Variants in NAA25 observed in about 807,000 individuals in gnomAD.
NAA25 encodes N-alpha-acetyltransferase 25, NatB auxiliary subunit.
NAA25 carries 30 observed loss-of-function variants against 132.5 expected under a neutral mutation model. The observed-to-expected ratio is 0.23, with a 90% CI of 0.17 to 0.31. The LOEUF (loss-of-function observed/expected upper bound fraction) is 0.31, where lower values mean the gene tolerates loss of function less well. Ranked by LOEUF, NAA25 falls within the 10% of genes least tolerant of loss-of-function variation. The pLI, the probability that NAA25 is intolerant of heterozygous loss-of-function variation, is 1.00. For synonymous variants in NAA25, 359 were observed against 401.9 expected, an observed-to-expected ratio of 0.89 and a Z score of 1.28; for missense variants, 771 against 1,150.4, an observed-to-expected ratio of 0.67 and a Z score of 4.77.
chr12:112,092,468 A>G (rs1052796198), intron 2 of NAA25, among the ~76,000 whole-genome samples: 8 of 151,996 alleles, frequency 5.3e-5, no homozygotes, highest in Non-Finnish European at 1.0e-4. Flanking sequence ...CTACTAAAAA[A>G]TATACAAAAT....
At chr12:112,035,692 T>A (rs1226605206) in intron 22 of NAA25, among the ~76,000 whole-genome samples, 2 of 150,898 alleles carry the variant, frequency 1.3e-5, no homozygotes, top group Non-Finnish European at 2.9e-5. Flanking sequence ...TTTTTTTTTT[T>A]TTTTTGAGAC....
intron 13 of NAA25, among the ~76,000 whole-genome samples, chr12:112,057,276 T>C (rs896517253): frequency 3.9e-5 from 6 of 152,236 alleles, no homozygotes; most frequent in Non-Finnish European, 8.8e-5. Flanking sequence ...ACATGCCTAA[T>C]AATCAACTGT....
At chr12:112,078,398 G>A (rs2078923080) in intron 6 of NAA25, 132 bp from the exon 7 acceptor site, 5 of 725,748 alleles carry the variant, frequency 6.9e-6, no homozygotes, top group Non-Finnish European at 1.2e-5. Context: ...GTACGAAGCA[G>A]GTAACAGGAT....
At chr12:112,070,349 A>C (rs923183030) in intron 10 of NAA25, among the ~76,000 whole-genome samples, 3 of 152,178 alleles carry the variant, frequency 2.0e-5, no homozygotes, top group Non-Finnish European at 4.4e-5. Context: ...ATGCTTTACT[A>C]TCCACATCAT....
chr12:112,107,619 C>G (rs1375662006), intron 1 of NAA25, among the ~76,000 whole-genome samples: 1 of 151,924 alleles, frequency 6.6e-6, no homozygotes, highest in South Asian at 2.1e-4. Flanking sequence ...CTAACTGTGG[C>G]CAGAAACAAA....
rs1170903776 is a variant in NAA25, at chr12:112,029,266, G to A, written c.*265C>T. 2.3e-5 allele frequency: 9 copies of A among 394,126 alleles called. No individual in the cohort carries two copies. Among genetic ancestry groups the A allele is most frequent in the African/African-American group, 1.6e-4 (8 of 49,528 alleles). 24.4% of individuals were successfully genotyped at this position (394,126 alleles called of 1,614,324 possible). A position where few individuals can be genotyped will look rare whatever the true frequency, so the allele number is the denominator to read the frequency against. On this transcript the variant is annotated 3_prime_UTR_variant, in exon 24 of 24. Transcript: ENST00000261745. ...GTTTCTGGTGATGGGAAGAAGAAAAGTAGGGTTCTCTTGTTGCTGCCATAT... is the reference window on the plus strand; with the variant it reads ...GTTTCTGGTGATGGGAAGAAGAAAAATAGGGTTCTCTTGTTGCTGCCATAT...
intron 1 of NAA25, among the ~76,000 whole-genome samples, chr12:112,094,231 ACT>A (rs1246157300): frequency 3.1e-5 from 4 of 128,386 alleles, no homozygotes; most frequent in East Asian, 5.4e-4. Context: ...ACAGAGGGAG[ACT>A]CTGTCTCAAA....
intron 11 of NAA25, among the ~76,000 whole-genome samples, chr12:112,063,029 C>T (rs1291609868): frequency 6.6e-6 from 1 of 151,962 alleles, no homozygotes; most frequent in Non-Finnish European, 1.5e-5. Flanking sequence ...CATTACACTC[C>T]AGCCTGGGTG....
chr12:112,040,616 G>T, intron 20 of NAA25, 38 bp from the exon 21 acceptor site: 1 of 1,096,208 alleles, frequency 9.1e-7, no homozygotes, highest in Non-Finnish European at 1.4e-6. Flanking sequence ...TTCAGCTTTT[G>T]TTTCAATGCT....
In NAA25 at chr12:112,089,365, T is replaced by C. The variant is rs556658463; in HGVS notation, c.283+1361A>G. Among the ~76,000 whole-genome samples, 27 of 152,346 alleles carry C rather than the reference T, an allele frequency of 1.8e-4. No homozygotes were observed. The South Asian group carries it at 3.9e-3, about 22-fold the overall frequency. On this transcript the variant is annotated intron_variant, in intron 3 of 23. Transcript: ENST00000261745. ...AGCAATCAGAACTCAAAAACTGCTA[T>C]TCTATTTATAAAAGAAGTTGACATT...
At position 112,027,326 on chromosome 12, in the gene NAA25, T is replaced by C. The variant is rs1294677412; in HGVS notation, c.*2205A>G. ...ATGTAAGAATATATATATATATATATTTTTTTAACTGTACACAATTTATAG... is the reference window on the plus strand; with the variant it reads ...ATGTAAGAATATATATATATATATACTTTTTTAACTGTACACAATTTATAG... On this transcript the variant is annotated 3_prime_UTR_variant, in exon 24 of 24. Coordinates refer to ENST00000261745, the MANE Select transcript of NAA25 (RefSeq NM_024953.4). The C allele has an allele frequency of 2.7e-5, 4 of 147,768 alleles. No homozygotes were observed. The highest frequency in any genetic ancestry group is 1.1e-4 in the African/African-American group (4 of 37,884). The allele number at this position is 147,768 out of a possible 1,614,324, so 9.2% of individuals were successfully genotyped here.
At chr12:112,084,528 C>T (rs752009500) in intron 4 of NAA25, among the ~76,000 whole-genome samples, 6 of 152,334 alleles carry the variant, frequency 3.9e-5, no homozygotes, top group South Asian at 2.1e-4. Flanking sequence ...CAGTGGCTCA[C>T]GCCTGTAATC....
At chr12:112,084,038 C>T (rs1001268663) in intron 4 of NAA25, among the ~76,000 whole-genome samples, 11 of 152,198 alleles carry the variant, frequency 7.2e-5, no homozygotes, top group Non-Finnish European at 1.3e-4. Flanking sequence ...ACCCTATGAT[C>T]TTGCAGGCTC....
At chr12:112,042,683 T>C (rs909898146) in intron 19 of NAA25, among the ~76,000 whole-genome samples, 1 of 152,188 alleles carries the variant, frequency 6.6e-6, no homozygotes, top group Admixed American at 6.5e-5. Flanking sequence ...ATTTCTGTAT[T>C]TTTAGTAGAC....
chr12:112,099,476 G>A (rs1400226004), intron 1 of NAA25, among the ~76,000 whole-genome samples: 1 of 152,014 alleles, frequency 6.6e-6, no homozygotes, highest in Non-Finnish European at 1.5e-5. Context: ...AAGTCACCTT[G>A]GAGAAAAATA....
At chr12:112,068,695 G>A (rs932869844) in intron 11 of NAA25, among the ~76,000 whole-genome samples, 185 bp downstream of exon 11, 9 of 152,318 alleles carry the variant, frequency 5.9e-5, no homozygotes, top group African/African-American at 1.9e-4. Context: ...TACTCCCGTT[G>A]TGACTTAACC....
chr12:112,086,273 A>G (rs199695461), intron 4 of NAA25, among the ~76,000 whole-genome samples: 1 of 151,334 alleles, frequency 6.6e-6, no homozygotes, highest in East Asian at 2.0e-4. Flanking sequence ...AGGTGGGTGG[A>G]TCACTTGAGG....
chr12:112,062,348 C>G (rs2078644143), intron 11 of NAA25, among the ~76,000 whole-genome samples: 1 of 151,182 alleles, frequency 6.6e-6, no homozygotes, highest in African/African-American at 2.4e-5. Context: ...TTGCTGTGAG[C>G]CAAGATTGTT....
chr12:112,043,784 T>C lies in NAA25; in HGVS notation c.2091A>G (p.Ile697Met). 6.2e-7 allele frequency: 1 copy of C among 1,614,160 alleles called. No individual in the cohort carries two copies. Among genetic ancestry groups the C allele is most frequent in the Non-Finnish European group, 8.5e-7 (1 of 1,180,016 alleles). ...LRIRSLTLRL[I>M]SGLPSLNHPV... ...GGTGGTTGAGACTTGGAAGTCCACT[T>C]ATCAGCCTCAATGTTAAGGATCGGA... The change falls in exon 18 of 24, where the codon ATA becomes ATG. Residue 697 changes from isoleucine (I) to methionine (M), a missense_variant. By Grantham distance (10) the Ile-to-Met change is conservative. This residue lies in a region of NAA25 where 324 missense variants were observed against 400.0 expected (regional missense o/e 0.81). Transcript: ENST00000261745.
Sources: allele counts gnomAD v4.1 joint callset (sites outside exome capture counted in the v4.1 genomes callset), GRCh38; gene constraint gnomAD v4.1.1; regional missense constraint gnomAD v4.1.1; transcripts MANE v1.5; gene names NCBI Gene and HGNC (gene_info 2026-07-23, HGNC 2026-07-21).